SH3PXD2B: variants seen among roughly 807,000 people sequenced by gnomAD.
SH3PXD2B encodes SH3 and PX domains 2B, also known as SH3 and PX domain-containing protein 2B.
In SH3PXD2B, 37 loss-of-function variants were observed where a neutral mutation model predicts 73.1. The observed-to-expected ratio is 0.51, with a 90% CI of 0.39 to 0.67. The LOEUF (loss-of-function observed/expected upper bound fraction) is 0.67, where lower values mean the gene tolerates loss of function less well. Ranked by LOEUF, SH3PXD2B falls within the 30% of genes least tolerant of loss-of-function variation. The pLI, the probability that SH3PXD2B is intolerant of heterozygous loss-of-function variation, is 0.00. For synonymous variants in SH3PXD2B, 457 were observed against 480.5 expected (o/e 0.95, Z 0.64); for missense variants, 1,053 against 1,197.8 (o/e 0.88, Z 1.78).
intron 1 of SH3PXD2B, among the ~76,000 whole-genome samples, chr5:172,429,649 T>A (rs1759185611): frequency 6.6e-6 from 1 of 152,138 alleles, no homozygotes; most frequent in South Asian, 2.1e-4. Flanking sequence ...TGGGGTGTGC[T>A]GAGCCAGGAT....
intron 3 of SH3PXD2B, among the ~76,000 whole-genome samples, chr5:172,399,802 C>T (rs1283968383): frequency 6.6e-6 from 1 of 152,192 alleles, no homozygotes; most frequent in Non-Finnish European, 1.5e-5. Context: ...TTCTGTCTCA[C>T]CAGTTTCCTC....
chr5:172,394,544 G>A lies in SH3PXD2B; in HGVS notation c.309+19C>T. 2 of 1,612,866 alleles carry A rather than the reference G, an allele frequency of 1.2e-6. No homozygotes were observed. The highest frequency in any genetic ancestry group is 1.1e-5 in the South Asian group (1 of 90,984). ...AATACACCTACAGGGAAGACTGCGT[G>A]GGCATTTCTCAGCCTTACCTTACAG... On this transcript the variant is annotated intron_variant, in intron 4 of 12. Transcript: ENST00000311601.
intron 1 of SH3PXD2B, among the ~76,000 whole-genome samples, chr5:172,433,332 T>G (rs1259493816): frequency 6.6e-6 from 1 of 152,200 alleles, no homozygotes; most frequent in African/African-American, 2.4e-5. Flanking sequence ...CTATCCCTGT[T>G]GTTAAATGAC....
At chr5:172,398,954 T>C (rs1002298951) in intron 3 of SH3PXD2B, among the ~76,000 whole-genome samples, 21 of 152,162 alleles carry the variant, frequency 1.4e-4, no homozygotes, top group African/African-American at 5.1e-4. Context: ...AACATAATGA[T>C]TTAGTGGAGT....
chr5:172,358,965 C>G, intron 7 of SH3PXD2B, 88 bp from the exon 8 acceptor site: 1 of 1,211,786 alleles, frequency 8.3e-7, no homozygotes. Flanking sequence ...GCCACTGTAC[C>G]AGTGAATGCA....
At chr5:172,364,356 C>G (rs143464646) in intron 6 of SH3PXD2B, among the ~76,000 whole-genome samples, 1 of 152,184 alleles carries the variant, frequency 6.6e-6, no homozygotes, top group Non-Finnish European at 1.5e-5. Context: ...GGAAACCCCA[C>G]ATTTTTGTGT....
At chr5:172,360,848 G>A (rs534610664) in intron 7 of SH3PXD2B, among the ~76,000 whole-genome samples, 90 of 152,158 alleles carry the variant, frequency 5.9e-4, no homozygotes, top group African/African-American at 2.1e-3. Context: ...AACTAAATAA[G>A]TAAAAAAAGA....
In SH3PXD2B at chr5:172,335,152, A is replaced by C. The variant is rs1318486978; in HGVS notation, c.*3217T>G. On this transcript the variant is annotated 3_prime_UTR_variant, in exon 13 of 13. Transcript: ENST00000311601. ...TGGTCTTAGACTCAGGGTTTTCCAAATTTTTGGAGGTACCGCAAGCTGTCC... is the reference window on the plus strand; with the variant it reads ...TGGTCTTAGACTCAGGGTTTTCCAACTTTTTGGAGGTACCGCAAGCTGTCC... The C allele has an allele frequency of 3.0e-6, 3 of 989,016 alleles. No homozygotes were observed. In the East Asian group the frequency reaches 3.3e-4, roughly 110 times the overall value. 61.3% of individuals were successfully genotyped at this position (989,016 alleles called of 1,614,324 possible).
At chr5:172,429,284 C>T (rs1379051280) in intron 1 of SH3PXD2B, among the ~76,000 whole-genome samples, 3 of 152,158 alleles carry the variant, frequency 2.0e-5, no homozygotes, top group African/African-American at 4.8e-5. Context: ...CCTCTCTGTC[C>T]CCTGTGCTGC....
chr5:172,454,176 G>T, intron 1 of SH3PXD2B, 102 bp downstream of exon 1: 1 of 931,412 alleles, frequency 1.1e-6, no homozygotes. Context: ...GGGGAGGAGG[G>T]GACGGGAAGC....
chr5:172,346,826 C>T lies in SH3PXD2B; in HGVS notation c.1062+457G>A, dbSNP rs1581264261. ...CAAGACCCCGTCTCAAAAACCAATG[C>T]AAACAAATAAAAAAAACCCCAAAAC... On this transcript the variant is annotated intron_variant, in intron 11 of 12. Transcript: ENST00000311601. Among the ~76,000 whole-genome samples the T allele has an allele frequency of 6.6e-5, 10 of 151,908 alleles. 1 individual carries two copies. In the South Asian group the frequency reaches 2.1e-3, roughly 32 times the overall value.
chr5:172,431,801 C>T (rs1370366884), intron 1 of SH3PXD2B, among the ~76,000 whole-genome samples: 1 of 152,090 alleles, frequency 6.6e-6, no homozygotes, highest in African/African-American at 2.4e-5. Flanking sequence ...TAGGGTCTTT[C>T]GAGCCTATGT....
chr5:172,431,690 G>GCACACA (rs60568854), intron 1 of SH3PXD2B, among the ~76,000 whole-genome samples: 8,798 of 151,744 alleles, frequency 0.058, 363 homozygotes, highest in African/African-American at 0.12. Flanking sequence ...GACACCCATT[G>GCACACA]CACACACACA....
chr5:172,438,366 TG>T (rs1344205306), intron 1 of SH3PXD2B, among the ~76,000 whole-genome samples: 1 of 152,076 alleles, frequency 6.6e-6, no homozygotes, highest in Non-Finnish European at 1.5e-5. Context: ...CCCACTGCCC[TG>T]GGGGCCCTTG....
At chr5:172,440,265 G>C (rs1215644124) in intron 1 of SH3PXD2B, among the ~76,000 whole-genome samples, 3 of 152,224 alleles carry the variant, frequency 2.0e-5, no homozygotes, top group Non-Finnish European at 4.4e-5. Context: ...CGGTCGAGAT[G>C]GCAAAGTAGC....
intron 1 of SH3PXD2B, among the ~76,000 whole-genome samples, chr5:172,426,928 C>G (rs189125129): frequency 6.6e-6 from 1 of 152,292 alleles, no homozygotes; most frequent in East Asian, 1.9e-4. Flanking sequence ...TTGTTCACAC[C>G]AGTTTGATTT....
chr5:172,350,412 C>A lies in SH3PXD2B; in HGVS notation c.963G>T (p.Arg321Ser). The change falls in exon 10 of 13, where the codon AGG becomes AGT. Residue 321 changes from arginine (R) to serine (S), a missense_variant. Physicochemically the swap from Arg to Ser is moderately radical, Grantham distance 110. Coordinates refer to ENST00000311601, the MANE Select transcript of SH3PXD2B (RefSeq NM_001017995.3). Reference protein sequence around the residue: ...GREKELLSSQRDGRFEGRPVP... With the variant: ...GREKELLSSQSDGRFEGRPVP... ...CCGGGCGGCCTTCAAACCGCCCGTC[C>A]CTCTGGCTGCTGAGCAGCTCCTTCT... 2 of 1,614,018 alleles carry A rather than the reference C, an allele frequency of 1.2e-6. No individual in the cohort carries two copies. Among genetic ancestry groups the A allele is most frequent in the Non-Finnish European group, 1.7e-6 (2 of 1,180,032 alleles).
At chr5:172,392,528 T>C (rs1234070922) in intron 4 of SH3PXD2B, among the ~76,000 whole-genome samples, 3 of 152,010 alleles carry the variant, frequency 2.0e-5, no homozygotes, top group Non-Finnish European at 2.9e-5. Flanking sequence ...TCCCAGCACT[T>C]TGGGAGGCCG....
At chr5:172,440,208 C>G (rs1163061383) in intron 1 of SH3PXD2B, among the ~76,000 whole-genome samples, 1 of 152,206 alleles carries the variant, frequency 6.6e-6, no homozygotes, top group Non-Finnish European at 1.5e-5. Flanking sequence ...ACAAGAGCAC[C>G]CACTACGCGC....
Sources: gnomAD v4.1 joint callset for allele counts (sites outside exome capture counted in the v4.1 genomes callset) on GRCh38, gnomAD v4.1.1 for gene constraint, MANE v1.5 for transcripts, NCBI Gene and HGNC (gene_info 2026-07-23, HGNC 2026-07-21) for gene names.